The following TMEM26 variants were observed in gnomAD, a reference collection of about 807,000 sequenced individuals.
The protein encoded by TMEM26 is transmembrane protein 26.
A neutral mutation model predicts 28.8 loss-of-function variants in TMEM26; 38 were observed. The ratio of observed to expected loss-of-function variants is 1.32; its 90% CI spans 1.02 to 1.73. The LOEUF (loss-of-function observed/expected upper bound fraction) is 1.73, where lower values mean the gene tolerates loss of function less well. Ranked by LOEUF, TMEM26 falls within the 40% of genes most tolerant of loss-of-function variation. The pLI is 0.00. For synonymous variants in TMEM26, 227 were observed against 182.9 expected, an observed-to-expected ratio of 1.24 and a Z score of -1.95; for missense variants, 518 against 447.1, an observed-to-expected ratio of 1.16 and a Z score of -1.43.
intron 4 of TMEM26, chr10:61,414,379 A>G (rs944293401): frequency 6.6e-6 from 1 of 152,070 alleles, no homozygotes; most frequent in Non-Finnish European, 1.5e-5. Flanking sequence ...TCTTCCATCA[A>G]AAGAGATTTT....
intron 4 of TMEM26, among the ~76,000 whole-genome samples, chr10:61,428,150 T>C (rs541846555): frequency 1.3e-5 from 2 of 152,244 alleles, no homozygotes; most frequent in South Asian, 2.1e-4. Context: ...AAGTAAACTG[T>C]AGCATTAAAA....
At chr10:61,431,823 A>G (rs1253007975) in intron 2 of TMEM26, among the ~76,000 whole-genome samples, 2 of 151,866 alleles carry the variant, frequency 1.3e-5, no homozygotes, top group African/African-American at 2.4e-5. Context: ...GAAGAATTCC[A>G]TCACCCAGGT....
intron 1 of TMEM26, among the ~76,000 whole-genome samples, chr10:61,438,266 T>C (rs1840039717): frequency 6.6e-6 from 1 of 152,118 alleles, no homozygotes; most frequent in East Asian, 1.9e-4. Flanking sequence ...TAGAGAGATA[T>C]CAAAAGCCCA....
At position 61,421,284 on chromosome 10, in the gene TMEM26, G is replaced by A. The variant is rs571328152; in HGVS notation, c.605+7642C>T. Among the ~76,000 whole-genome samples the A allele has an allele frequency of 4.7e-4, 71 of 151,566 alleles. No individual in the cohort carries two copies. The South Asian group carries it at 0.015, about 31-fold the overall frequency. On this transcript the variant is annotated intron_variant, in intron 4 of 5. Coordinates refer to ENST00000399298, the MANE Select transcript of TMEM26 (RefSeq NM_178505.8). ...CTCCCACCAAGAAAACAAAAGAGTA[G>A]AGGAGTAACACAGAAATAAAAAGGA...
rs16916155 is a variant in TMEM26, at chr10:61,447,064, C to A, written c.191+5827G>T. On this transcript the variant is annotated intron_variant, in intron 1 of 5. Transcript: ENST00000399298. ...TAAAAAGCTAAAGAGAGATTTCAGG[C>A]AACTTGGACACGAAGTGTGAAGAGG... Among the ~76,000 whole-genome samples, 1,363 of 152,192 alleles carry A rather than the reference C, an allele frequency of 9.0e-3. 31 individuals are homozygous for A. The highest frequency in any genetic ancestry group is 0.062 in the East Asian group (319 of 5,170).
rs1297858319 is a variant in TMEM26, at chr10:61,409,955, G to A, written c.*367C>T. 2.4e-5 allele frequency: 5 copies of A among 208,562 alleles called. No individual in the cohort carries two copies. The highest frequency in any genetic ancestry group is 4.8e-5 in the Non-Finnish European group (5 of 103,738). The allele number at this position is 208,562 out of a possible 1,614,324, so 12.9% of individuals were successfully genotyped here. ...TCAGACGAAATAGTCTGACAATGGAGGCAAAGTTCAAAGCTTCTCTATTTC... is the reference window on the plus strand; with the variant it reads ...TCAGACGAAATAGTCTGACAATGGAAGCAAAGTTCAAAGCTTCTCTATTTC... On this transcript the variant is annotated 3_prime_UTR_variant, in exon 6 of 6. Coordinates refer to ENST00000399298, the MANE Select transcript of TMEM26 (RefSeq NM_178505.8).
At chr10:61,443,661 C>G (rs769294276) in intron 1 of TMEM26, among the ~76,000 whole-genome samples, 8 of 152,152 alleles carry the variant, frequency 5.3e-5, no homozygotes, top group Non-Finnish European at 1.2e-4. Flanking sequence ...AGAGAAGATA[C>G]TACTGAATGT....
intron 4 of TMEM26, chr10:61,415,926 A>G (rs966846001): frequency 3.0e-6 from 1 of 330,504 alleles, no homozygotes; most frequent in Admixed American, 4.2e-5. Context: ...TTTAAGGACT[A>G]TAATGTGGAA....
At chr10:61,446,776 G>A (rs1041193899) in intron 1 of TMEM26, among the ~76,000 whole-genome samples, 3 of 119,854 alleles carry the variant, frequency 2.5e-5, no homozygotes, top group Admixed American at 2.4e-4. Flanking sequence ...CCGAGATCGC[G>A]CCACGGCACT....
intron 2 of TMEM26, among the ~76,000 whole-genome samples, chr10:61,432,656 TA>T (rs201128562): frequency 0.019 from 2,845 of 147,724 alleles, 36 homozygotes; most frequent in African/African-American, 0.027. Flanking sequence ...CTTATTTTTT[TA>T]AAAAAAATTA....
At position 61,452,616 on chromosome 10, in the gene TMEM26, C is replaced by T. The variant is rs559041517; in HGVS notation, c.191+275G>A. 37 of 429,492 alleles carry T rather than the reference C, an allele frequency of 8.6e-5. 2 individuals are homozygous for T. In the South Asian group the frequency reaches 1.3e-3, roughly 15 times the overall value. 26.6% of individuals were successfully genotyped at this position (429,492 alleles called of 1,614,324 possible). A position where few individuals can be genotyped will look rare whatever the true frequency, so the allele number is the denominator to read the frequency against. On this transcript the variant is annotated intron_variant, in intron 1 of 5. Transcript: ENST00000399298. ...TCAGCAAAATAGACCAGCGCTTCCT[C>T]TCTTTACTCATCTTCCAAGTTTCCA...
intron 1 of TMEM26, among the ~76,000 whole-genome samples, chr10:61,448,382 G>T (rs1290545484): frequency 6.6e-6 from 1 of 152,206 alleles, no homozygotes; most frequent in African/African-American, 2.4e-5. Flanking sequence ...TCCCAAAAGG[G>T]ATGACTTAAT....
Position 61,410,372 on chromosome 10 carries a change from G to C in TMEM26, c.1057C>G (p.Pro353Ala), listed in dbSNP as rs544245239. The change falls in exon 6 of 6, where the codon CCT becomes GCT. Residue 353 changes from proline (P) to alanine (A), a missense_variant. Transcript: ENST00000399298. ...QNESKEGLAI[P>A]LRGSPVTSDD... Reference sequence around the variant, plus strand: ...GAGGTGACTGGGGAGCCCCGCAAAGGAATAGCCAGGCCCTCCTTAGACTCG... The same window carrying C: ...GAGGTGACTGGGGAGCCCCGCAAAGCAATAGCCAGGCCCTCCTTAGACTCG... The C allele has an allele frequency of 6.2e-7, 1 of 1,614,044 alleles. No homozygotes were observed. Among genetic ancestry groups the C allele is most frequent in the Non-Finnish European group, 8.5e-7 (1 of 1,180,020 alleles).
At chr10:61,452,643 A>C in intron 1 of TMEM26, 1 of 481,316 alleles carries the variant, frequency 2.1e-6, no homozygotes, top group Non-Finnish European at 3.8e-6. Context: ...AAGTTTCCAA[A>C]CCTGAGACTG....
chr10:61,446,702 C>A (rs2135336116), intron 1 of TMEM26, among the ~76,000 whole-genome samples: 1 of 151,400 alleles, frequency 6.6e-6, no homozygotes, highest in East Asian at 2.0e-4. Context: ...ACCTGTAGTC[C>A]CAGCTACTCA....
chr10:61,420,934 C>T (rs1034217314), intron 4 of TMEM26, among the ~76,000 whole-genome samples: 1 of 151,378 alleles, frequency 6.6e-6, no homozygotes, highest in Non-Finnish European at 1.5e-5. Context: ...CTTTTTAAAA[C>T]CTTAAAAGAT....
In TMEM26 at chr10:61,414,088, C is replaced by T. The variant is rs1396257629; in HGVS notation, c.606-553G>A. 6.1e-6 allele frequency: 6 copies of T among 980,498 alleles called. No individual in the cohort carries two copies. In the Admixed American group the frequency reaches 1.8e-4, roughly 30 times the overall value. 60.7% of individuals were successfully genotyped at this position (980,498 alleles called of 1,614,324 possible). On this transcript the variant is annotated intron_variant, in intron 4 of 5. Transcript: ENST00000399298. The stretch of plus-strand genomic sequence containing the variant: ...GTAGGACATAAAGCAAGGAATAAGC[C>T]TATTTCATTCACCACTGTATCCTTA...
At chr10:61,423,978 C>A (rs556607361) in intron 4 of TMEM26, among the ~76,000 whole-genome samples, 1 of 152,058 alleles carries the variant, frequency 6.6e-6, no homozygotes, top group East Asian at 1.9e-4. Flanking sequence ...GGCATCTATA[C>A]AAAACCCACA....
Position 61,413,451 on chromosome 10 carries a change from A to G in TMEM26, c.682+8T>C. 1 of 1,611,488 alleles carries G rather than the reference A, an allele frequency of 6.2e-7. No individual in the cohort carries two copies. Among genetic ancestry groups the G allele is most frequent in the Non-Finnish European group, 8.5e-7 (1 of 1,178,872 alleles). On this transcript the variant is annotated splice_region_variant and intron_variant, in intron 5 of 5. Transcript: ENST00000399298. ...TCTATTTCTTTGCACAAACATCAGG[A>G]TACTTACCTGCCAGGTCAAGTGGAA...
Sources: gnomAD v4.1 joint callset for allele counts (sites outside exome capture counted in the v4.1 genomes callset) on GRCh38, gnomAD v4.1.1 for gene constraint, MANE v1.5 for transcripts, NCBI Gene and HGNC (gene_info 2026-07-23, HGNC 2026-07-21) for gene names.